NPAS3: variants seen among roughly 807,000 people sequenced by gnomAD.
NPAS3 encodes the protein neuronal PAS domain protein 3.
NPAS3 carries 14 observed loss-of-function variants against 73.1 expected under a neutral mutation model. The observed-to-expected ratio is 0.19, with a 90% CI of 0.13 to 0.30. The LOEUF is 0.30. Among genes scored for constraint, NPAS3 ranks in the 10% least tolerant of loss-of-function variants. The probability of loss-of-function intolerance (pLI) is 1.00; values close to 1 mark genes in which losing one functional copy is unlikely to be tolerated. For synonymous variants in NPAS3, 620 were observed against 541.5 expected, an observed-to-expected ratio of 1.14 and a Z score of -2.01; for missense variants, 1,096 against 1,250.0, an observed-to-expected ratio of 0.88 and a Z score of 1.86.
Position 33,643,375 on chromosome 14 carries a change from T to TTA in NPAS3, c.559-32836_559-32835insTA, listed in dbSNP as rs1555427000. Among the ~76,000 whole-genome samples, 585 of 94,656 alleles carry TTA rather than the reference T, an allele frequency of 6.2e-3. 10 individuals carry two copies. Among genetic ancestry groups the TTA allele is most frequent in the African/African-American group, 0.022 (539 of 25,026 alleles). 62.1% of individuals were successfully genotyped at this position (94,656 alleles called of 152,430 possible). Reference sequence around the variant, plus strand: ...TTCGGAAAAAGAAAGAAATAAAAATTAAAAAAAAAAAAAAAAAAAAAAACG... The same window carrying TTA: ...TTCGGAAAAAGAAAGAAATAAAAATTTAAAAAAAAAAAAAAAAAAAAAAAACG... On this transcript the variant is annotated intron_variant, in intron 5 of 11. Transcript: ENST00000356141.
intron 1 of NPAS3, among the ~76,000 whole-genome samples, chr14:32,976,425 T>G (rs556713089): frequency 1.3e-5 from 2 of 152,346 alleles, no homozygotes; most frequent in African/African-American, 4.8e-5. Flanking sequence ...AATTTATTTT[T>G]TATTTGTGTT....
chr14:33,342,972 A>G (rs17100706), intron 3 of NPAS3, among the ~76,000 whole-genome samples: 3,553 of 152,256 alleles, frequency 0.023, 133 homozygotes, highest in African/African-American at 0.08. Flanking sequence ...TCCAAGCTCA[A>G]TGCCATGCAT....
Position 33,525,237 on chromosome 14 carries a change from T to C in NPAS3, c.469-34884T>C, listed in dbSNP as rs750462870. ...AAGATCATGAGAATCTCAAAGATTATGTGATCAGGGACTCAGAACTTGGAT... is the reference window on the plus strand; with the variant it reads ...AAGATCATGAGAATCTCAAAGATTACGTGATCAGGGACTCAGAACTTGGAT... On this transcript the variant is annotated intron_variant, in intron 4 of 11. Transcript: ENST00000356141. Among the ~76,000 whole-genome samples, 6 of 152,198 alleles carry C rather than the reference T, an allele frequency of 3.9e-5. No individual in the cohort carries two copies. In the East Asian group the frequency reaches 1.2e-3, roughly 29 times the overall value.
intron 4 of NPAS3, among the ~76,000 whole-genome samples, chr14:33,434,409 T>A (rs1201402622): frequency 6.6e-6 from 1 of 150,556 alleles, no homozygotes; most frequent in Non-Finnish European, 1.5e-5. Context: ...CACCTGTAGG[T>A]CCAGCTGCTT....
chr14:33,442,779 TAGC>T (rs1424112630), intron 4 of NPAS3, among the ~76,000 whole-genome samples: 4 of 152,224 alleles, frequency 2.6e-5, no homozygotes, highest in Admixed American at 2.0e-4. Flanking sequence ...ATGTCCTTAT[TAGC>T]AGCATGAGAA....
At chr14:33,607,084 C>G (rs73272910) in intron 5 of NPAS3, among the ~76,000 whole-genome samples, 1 of 152,188 alleles carries the variant, frequency 6.6e-6, no homozygotes, top group African/African-American at 2.4e-5. Context: ...AACTAGAATG[C>G]TCATACATTG....
chr14:33,200,849 T>A (rs2046587063), intron 2 of NPAS3, among the ~76,000 whole-genome samples: 1 of 152,318 alleles, frequency 6.6e-6, no homozygotes, highest in Non-Finnish European at 1.5e-5. Context: ...TATTCAGCAG[T>A]GAGATCCAGT....
intron 6 of NPAS3, among the ~76,000 whole-genome samples, chr14:33,705,295 G>C (rs8005269): frequency 0.26 from 39,739 of 152,008 alleles, 5,529 homozygotes; most frequent in Admixed American, 0.4. Context: ...TTATCTGTGA[G>C]GTTAGTAGCA....
At chr14:33,411,136 G>A (rs527462989) in intron 4 of NPAS3, among the ~76,000 whole-genome samples, 1 of 152,222 alleles carries the variant, frequency 6.6e-6, no homozygotes, top group South Asian at 2.1e-4. Flanking sequence ...TCTCAAACAG[G>A]GACTGTGACC....
At chr14:33,192,051 A>G (rs1443683897) in intron 2 of NPAS3, among the ~76,000 whole-genome samples, 1 of 152,120 alleles carries the variant, frequency 6.6e-6, no homozygotes, top group Admixed American at 6.5e-5. Flanking sequence ...TTCCCAGCTC[A>G]CCTGCCAGGT....
chr14:33,470,657 T>C (rs2050739836), intron 4 of NPAS3, among the ~76,000 whole-genome samples: 1 of 152,194 alleles, frequency 6.6e-6, no homozygotes, highest in Non-Finnish European at 1.5e-5. Context: ...GATCACATCT[T>C]TAACAGTTGC....
chr14:33,420,654 C>G (rs2048329122), intron 4 of NPAS3, among the ~76,000 whole-genome samples: 1 of 151,734 alleles, frequency 6.6e-6, no homozygotes. Flanking sequence ...CATAACAGAT[C>G]TAAAAGGTAA....
At chr14:33,021,662 A>G (rs1348955050) in intron 1 of NPAS3, among the ~76,000 whole-genome samples, 1 of 152,136 alleles carries the variant, frequency 6.6e-6, no homozygotes, top group Non-Finnish European at 1.5e-5. Context: ...CACTGAAGTC[A>G]TCCCTAATTA....
chr14:33,716,908 C>T lies in NPAS3; in HGVS notation c.734-18306C>T, dbSNP rs539440149. The stretch of plus-strand genomic sequence containing the variant: ...CTTTACATCTCTCATTTCTTATATC[C>T]ATATATAATCTTTACATTTTTAATT... On this transcript the variant is annotated intron_variant, in intron 6 of 11. Coordinates refer to ENST00000356141, the Ensembl canonical transcript of NPAS3. Among the ~76,000 whole-genome samples the T allele has an allele frequency of 1.0e-3, 154 of 152,182 alleles. 1 individual carries two copies. Among genetic ancestry groups the T allele is most frequent in the African/African-American group, 2.5e-3 (105 of 41,506 alleles).
intron 2 of NPAS3, among the ~76,000 whole-genome samples, chr14:33,204,148 A>C (rs141738227): frequency 6.6e-6 from 1 of 152,276 alleles, no homozygotes; most frequent in Non-Finnish European, 1.5e-5. Flanking sequence ...TGTAGGGTCC[A>C]GGGAAGACTT....
At chr14:33,318,908 T>C (rs537442031) in intron 3 of NPAS3, among the ~76,000 whole-genome samples, 1 of 152,116 alleles carries the variant, frequency 6.6e-6, no homozygotes, top group Non-Finnish European at 1.5e-5. Flanking sequence ...TATCTTCCAA[T>C]TGTACTGTGC....
chr14:33,608,008 G>A (rs1958553), intron 5 of NPAS3, among the ~76,000 whole-genome samples: 32,255 of 152,024 alleles, frequency 0.21, 4,342 homozygotes, highest in African/African-American at 0.36. Context: ...CACCACACGT[G>A]AGGATGATGA....
intron 2 of NPAS3, among the ~76,000 whole-genome samples, chr14:33,126,721 C>T (rs1036761367): frequency 6.6e-6 from 1 of 152,060 alleles, no homozygotes; most frequent in Non-Finnish European, 1.5e-5. Flanking sequence ...CCTTGTTCTA[C>T]TTGGTAGGTT....
intron 3 of NPAS3, among the ~76,000 whole-genome samples, chr14:33,315,672 TG>T (rs2043182327): frequency 6.6e-6 from 1 of 151,914 alleles, no homozygotes; most frequent in Non-Finnish European, 1.5e-5. Flanking sequence ...GTATATGTTC[TG>T]GGAGGAGGTT....
Sources: gnomAD v4.1 joint callset for allele counts (sites outside exome capture counted in the v4.1 genomes callset) on GRCh38, gnomAD v4.1.1 for gene constraint, MANE v1.5 for transcripts, NCBI Gene and HGNC (gene_info 2026-07-23, HGNC 2026-07-21) for gene names.